Variants in TAOK3 observed in about 807,000 individuals in gnomAD.
The protein encoded by TAOK3 is TAO kinase 3.
Under a neutral mutation model 120.4 loss-of-function variants are expected in TAOK3, and 40 were observed. The observed-to-expected ratio is 0.33, with a 90% CI of 0.26 to 0.43. The LOEUF (loss-of-function observed/expected upper bound fraction) is 0.43. TAOK3 is among the 20% of genes least tolerant of loss of function. TAOK3 has a pLI of 1.00. For missense variants in TAOK3, 821 were observed against 1,112.1 expected, an observed-to-expected ratio of 0.74 and a Z score of 3.72; for synonymous variants, 355 against 387.5, an observed-to-expected ratio of 0.92 and a Z score of 0.99.
intron 11 of TAOK3, among the ~76,000 whole-genome samples, chr12:118,202,162 CAAAT>C (rs2038056549): frequency 1.3e-5 from 2 of 148,444 alleles, no homozygotes; most frequent in Admixed American, 6.7e-5. Context: ...TATAAATAAA[CAAAT>C]ATATAATAAA....
chr12:118,229,103 C>CT (rs966141459), intron 9 of TAOK3, among the ~76,000 whole-genome samples: 81 of 146,594 alleles, frequency 5.5e-4, no homozygotes, highest in African/African-American at 1.2e-3. Context: ...CTTTTTTTTC[C>CT]TTTTTTTTTT....
In TAOK3 at chr12:118,301,448, C is replaced by T. The variant is rs546879773; in HGVS notation, c.-193-34689G>A. On this transcript the variant is annotated intron_variant, in intron 1 of 20. Coordinates refer to ENST00000392533, the MANE Select transcript of TAOK3 (RefSeq NM_016281.4). Reference sequence around the variant, plus strand: ...CAAGGAACCCTGTATTTTGTAGCTACCTTCCTCTCCAAAACTAGAATTCAT... The same window carrying T: ...CAAGGAACCCTGTATTTTGTAGCTATCTTCCTCTCCAAAACTAGAATTCAT... 2.6e-4 allele frequency among the ~76,000 whole-genome samples: 39 copies of T among 152,308 alleles called. 1 individual carries two copies. The highest frequency in any genetic ancestry group is 1.7e-3 in the Admixed American group (26 of 15,298).
intron 1 of TAOK3, among the ~76,000 whole-genome samples, chr12:118,346,960 A>G (rs1381925319): frequency 6.6e-6 from 1 of 152,144 alleles, no homozygotes; most frequent in Non-Finnish European, 1.5e-5. Context: ...TTCCTCCTTC[A>G]GTTTTCCTTT....
intron 20 of TAOK3, among the ~76,000 whole-genome samples, chr12:118,151,597 A>G (rs2034445644): frequency 6.6e-6 from 1 of 152,168 alleles, no homozygotes; most frequent in South Asian, 2.1e-4. Context: ...TTAGTTCTAG[A>G]ACAGGAGCTG....
At chr12:118,226,596 A>G (rs1380017910) in intron 9 of TAOK3, among the ~76,000 whole-genome samples, 1 of 152,180 alleles carries the variant, frequency 6.6e-6, no homozygotes, top group Non-Finnish European at 1.5e-5. Context: ...CAACTACAAA[A>G]TGGCAGAATA....
At chr12:118,219,029 TC>T in intron 9 of TAOK3, among the ~76,000 whole-genome samples, 1 of 152,164 alleles carries the variant, frequency 6.6e-6, no homozygotes, top group Non-Finnish European at 1.5e-5. Flanking sequence ...TTCCCATCAT[TC>T]TTAGGCCAAA....
chr12:118,298,775 T>C (rs1368277947), intron 1 of TAOK3, among the ~76,000 whole-genome samples: 2 of 152,240 alleles, frequency 1.3e-5, no homozygotes, highest in Non-Finnish European at 2.9e-5. Context: ...ATATAGATAT[T>C]TGACTTTTTC....
At position 118,160,468 on chromosome 12, in the gene TAOK3, G is replaced by A; in HGVS notation, c.2140-110C>T. 1.2e-6 allele frequency: 1 copy of A among 842,080 alleles called. No homozygotes were observed. The highest frequency in any genetic ancestry group is 1.6e-5 in the South Asian group (1 of 61,258). 52.2% of individuals were successfully genotyped at this position (842,080 alleles called of 1,614,324 possible). On this transcript the variant is annotated intron_variant, in intron 18 of 20. Transcript: ENST00000392533. The surrounding 1 kb of genome is among the most constrained non-coding windows in gnomAD (Gnocchi z 4.2). ...CTGAGAGCGTCTGTTTTTTGGTGCA[G>A]TGACTCACATTGCTAATCAATAAAA...
chr12:118,272,660 T>C (rs1240767261), intron 1 of TAOK3, among the ~76,000 whole-genome samples: 1 of 152,178 alleles, frequency 6.6e-6, no homozygotes, highest in East Asian at 1.9e-4. Context: ...TGTGGCAGCA[T>C]TATCCCCAAA....
At chr12:118,255,676 CCATTA>C in intron 2 of TAOK3, 21 bp from the exon 3 acceptor site, 1 of 1,181,286 alleles carries the variant, frequency 8.5e-7, no homozygotes, top group East Asian at 2.5e-5. Flanking sequence ...ATAAGGTTTG[CCATTA>C]AATTATTTCT....
intron 9 of TAOK3, among the ~76,000 whole-genome samples, chr12:118,221,720 T>G (rs530031188): frequency 6.7e-6 from 1 of 149,636 alleles, no homozygotes; most frequent in African/African-American, 2.5e-5. Context: ...CTGCAAGCTC[T>G]GCCTCACAGG....
intron 1 of TAOK3, among the ~76,000 whole-genome samples, chr12:118,322,715 A>T (rs2043766437): frequency 6.7e-6 from 1 of 149,550 alleles, no homozygotes; most frequent in Non-Finnish European, 1.5e-5. Context: ...AAAATTTAAA[A>T]ACCTTTTTTT....
chr12:118,296,787 A>G (rs2042697088), intron 1 of TAOK3, among the ~76,000 whole-genome samples: 1 of 152,224 alleles, frequency 6.6e-6, no homozygotes, highest in Non-Finnish European at 1.5e-5. Context: ...CTAGCTATTG[A>G]GCAGCTGCAA....
intron 1 of TAOK3, among the ~76,000 whole-genome samples, chr12:118,340,510 C>T (rs2044569246): frequency 6.6e-6 from 1 of 152,014 alleles, no homozygotes; most frequent in Non-Finnish European, 1.5e-5. Context: ...GCTTTTATGT[C>T]ATTTTACAAG....
intron 7 of TAOK3, 72 bp from the exon 8 acceptor site, chr12:118,235,743 T>G (rs755448804): frequency 1.1e-6 from 1 of 913,116 alleles, no homozygotes; most frequent in Non-Finnish European, 1.7e-6. Context: ...GAGCATGCAA[T>G]TAATAAGACA....
chr12:118,225,457 A>G (rs546421612), intron 9 of TAOK3, among the ~76,000 whole-genome samples: 10 of 152,168 alleles, frequency 6.6e-5, no homozygotes, highest in African/African-American at 2.2e-4. Flanking sequence ...AGGGAGATGA[A>G]AATGTATGAT....
intron 20 of TAOK3, 23 bp downstream of exon 20, chr12:118,152,204 G>C: frequency 6.2e-7 from 1 of 1,601,224 alleles, no homozygotes; most frequent in Non-Finnish European, 8.5e-7. Flanking sequence ...AGTGGCACCG[G>C]ACCCCTGGTA....
intron 11 of TAOK3, among the ~76,000 whole-genome samples, 184 bp from the exon 12 acceptor site, chr12:118,201,647 C>T (rs914685447): frequency 6.6e-6 from 1 of 152,044 alleles, no homozygotes; most frequent in African/African-American, 2.4e-5. Context: ...GATAGCTATG[C>T]TTTTTTCTTC....
intron 1 of TAOK3, among the ~76,000 whole-genome samples, chr12:118,335,473 C>A (rs2044329683): frequency 6.6e-6 from 1 of 152,134 alleles, no homozygotes; most frequent in Non-Finnish European, 1.5e-5. Flanking sequence ...AATGAAAAGC[C>A]TCCTGGAAAA....
Sources: allele counts gnomAD v4.1 joint callset (sites outside exome capture counted in the v4.1 genomes callset), GRCh38; gene constraint gnomAD v4.1.1; non-coding constraint Gnocchi (gnomAD v3.1); transcripts MANE v1.5; gene names NCBI Gene and HGNC (gene_info 2026-07-23, HGNC 2026-07-21).